Variants in HPS4 observed in about 807,000 individuals in gnomAD.
HPS4 encodes the protein BLOC-3 complex member HPS4.
A neutral mutation model predicts 70.3 loss-of-function variants in HPS4; 44 were observed. The ratio of observed to expected loss-of-function variants is 0.63; its 90% confidence interval spans 0.49 to 0.80. HPS4 has a LOEUF of 0.80. Among genes scored for constraint, HPS4 ranks in the 30% least tolerant of loss-of-function variants. The pLI is 0.00. For missense variants in HPS4, 873 were observed against 884.4 expected (o/e 0.99, Z 0.16); for synonymous variants, 377 against 355.9 (o/e 1.06, Z -0.67).
exon 4 of HPS4, chr22:26,444,580 T>C (rs1052358113): frequency 6.6e-6 from 1 of 152,266 alleles, no homozygotes; most frequent in Non-Finnish European, 1.5e-5. Context: ...AATAATGTAT[T>C]ATGAGCAGTG....
intron 2 of HPS4, among the ~76,000 whole-genome samples, chr22:26,480,498 G>A (rs1446622694): frequency 6.6e-6 from 1 of 152,116 alleles, no homozygotes; most frequent in Non-Finnish European, 1.5e-5. Context: ...AAGTCTCTGA[G>A]AACACATTTA....
chr22:26,444,146 TG>T (rs1218771465), downstream of HPS4: 1 of 152,040 alleles, frequency 6.6e-6, no homozygotes, highest in Non-Finnish European at 1.5e-5. Context: ...CAGCGACATT[TG>T]GGGAAAGCCT....
chr22:26,479,778 C>A, intron 2 of HPS4: 1 of 721,134 alleles, frequency 1.4e-6, no homozygotes, highest in Non-Finnish European at 1.7e-6. Flanking sequence ...CCAGAAACAG[C>A]CCTTCTACCA....
downstream of HPS4, among the ~76,000 whole-genome samples, chr22:26,449,098 C>CT (rs1373814256): frequency 6.6e-6 from 1 of 152,154 alleles, no homozygotes. Context: ...GGGCAGGAAT[C>CT]TATCTCCTTG....
chr22:26,454,060 C>T (rs1473850532), intron 13 of HPS4: 1 of 153,132 alleles, frequency 6.5e-6, no homozygotes, highest in Non-Finnish European at 1.5e-5. Context: ...GTAAACAAAC[C>T]CCCCTGGTTT....
At chr22:26,456,783 CA>C (rs1414738201) in intron 13 of HPS4, among the ~76,000 whole-genome samples, 1 of 152,178 alleles carries the variant, frequency 6.6e-6, no homozygotes, top group East Asian at 1.9e-4. Context: ...AGTTGTCAAC[CA>C]AATTCTCAGG....
intron 11 of HPS4, among the ~76,000 whole-genome samples, chr22:26,460,720 G>T (rs983973328): frequency 2.0e-5 from 3 of 152,192 alleles, no homozygotes; most frequent in Non-Finnish European, 4.4e-5. Context: ...CATACCAGGG[G>T]TCAGCAAACT....
At chr22:26,482,653 A>G (rs1481977338) in intron 1 of HPS4, 8 of 152,224 alleles carry the variant, frequency 5.3e-5, no homozygotes, top group Admixed American at 5.2e-4. Flanking sequence ...CTTCCACAAG[A>G]GAAAGACAGC....
At chr22:26,464,902 A>G in intron 10 of HPS4, 76 bp from the exon 11 acceptor site, 3 of 1,383,546 alleles carry the variant, frequency 2.2e-6, no homozygotes, top group Non-Finnish European at 9.8e-7. Flanking sequence ...AGTGAAGACT[A>G]AAGCACAGGC....
chr22:26,469,320 GT>G (rs1394971082), intron 7 of HPS4, among the ~76,000 whole-genome samples: 1 of 151,628 alleles, frequency 6.6e-6, no homozygotes, highest in Non-Finnish European at 1.5e-5. Flanking sequence ...GCTTGGCCAG[GT>G]GTGGTAGCAA....
At chr22:26,476,950 TATC>T in intron 4 of HPS4, 40 bp downstream of exon 4, 1 of 1,605,954 alleles carries the variant, frequency 6.2e-7, no homozygotes, top group Non-Finnish European at 8.5e-7. Context: ...TTCCTAAACT[TATC>T]ATTGCAACAC....
chr22:26,454,851 C>G (rs2085808338), intron 13 of HPS4, among the ~76,000 whole-genome samples: 1 of 152,084 alleles, frequency 6.6e-6, no homozygotes, highest in Non-Finnish European at 1.5e-5. Context: ...GGGCTAATAT[C>G]CAGAATCTAC....
At chr22:26,466,588 C>A (rs1350271798) in intron 8 of HPS4, 1 of 462,598 alleles carries the variant, frequency 2.2e-6, no homozygotes, top group Non-Finnish European at 4.0e-6. Context: ...CTCTTTTACA[C>A]CTTTGGGGAA....
downstream of HPS4, chr22:26,443,374 T>C: frequency 1.7e-6 from 1 of 592,708 alleles, no homozygotes; most frequent in Non-Finnish European, 3.0e-6. Flanking sequence ...CCCTTGGTTA[T>C]TGTAAATGGA....
intron 13 of HPS4, 69 bp downstream of exon 13, chr22:26,457,790 G>A: frequency 8.7e-7 from 1 of 1,145,786 alleles, no homozygotes; most frequent in Non-Finnish European, 1.3e-6. Flanking sequence ...GCGCTGCCTG[G>A]GCCCCACAGG....
Position 26,453,314 on chromosome 22 carries a change from G to A in HPS4, c.2046C>T (p.Phe682=), listed in dbSNP as rs760506995. ...QLAPAARSSG[F]PNPQDGAFSL... is the part of the protein sequence containing the mutation. ...TGAAGGCGCCATCCTGAGGGTTTGG[G>A]AAGCCGGAGCTCCGTGCTGCAGGTG... The change falls in exon 14 of 14, where the codon TTC becomes TTT. Residue 682 remains phenylalanine, a synonymous_variant. Transcript: ENST00000398145. The A allele has an allele frequency of 1.2e-6, 2 of 1,614,206 alleles. No homozygotes were observed. The highest frequency in any genetic ancestry group is 1.7e-6 in the Non-Finnish European group (2 of 1,180,048).
chr22:26,483,817 C>G (rs886057324), upstream of HPS4: 90 of 1,201,600 alleles, frequency 7.5e-5, no homozygotes, highest in African/African-American at 2.4e-4. Context: ...CCTACCTCCC[C>G]CTCCAGCTCC....
At chr22:26,462,371 G>C (rs2285213) in intron 11 of HPS4, among the ~76,000 whole-genome samples, 3 of 152,000 alleles carry the variant, frequency 2.0e-5, no homozygotes, top group Non-Finnish European at 2.9e-5. Flanking sequence ...GCAGGGCAGT[G>C]GGGGGACAGA....
intron 12 of HPS4, 84 bp from the exon 13 acceptor site, chr22:26,458,051 G>A (rs943545373): frequency 2.6e-6 from 3 of 1,145,016 alleles, no homozygotes; most frequent in African/African-American, 1.5e-5. Context: ...CTGAACACGG[G>A]GACTGAGCAC....
Sources: allele counts gnomAD v4.1 joint callset (sites outside exome capture counted in the v4.1 genomes callset), GRCh38; gene constraint gnomAD v4.1.1; transcripts MANE v1.5; gene names NCBI Gene and HGNC (gene_info 2026-07-23, HGNC 2026-07-21).